The following TRAF2 variants were observed in gnomAD, a reference collection of about 807,000 sequenced individuals.
The protein encoded by TRAF2 is TNF receptor-associated factor 2.
In TRAF2, 6 loss-of-function variants were observed where a neutral mutation model predicts 55.6. The observed-to-expected ratio is 0.11, with a 90% CI of 0.06 to 0.21. The LOEUF (loss-of-function observed/expected upper bound fraction) is 0.21, where lower values mean the gene tolerates loss of function less well. Ranked by LOEUF, TRAF2 falls within the 10% of genes least tolerant of loss-of-function variation. TRAF2 has a pLI of 1.00. For synonymous variants in TRAF2, 329 were observed against 276.3 expected (o/e 1.19, Z -1.89); for missense variants, 561 against 684.5 (o/e 0.82, Z 2.01).
chr9:136,913,483 G>A (rs537234625), intron 6 of TRAF2, among the ~76,000 whole-genome samples: 1 of 151,536 alleles, frequency 6.6e-6, no homozygotes, highest in East Asian at 2.0e-4. Flanking sequence ...ATTTTTAGTA[G>A]AGACGGGGTT....
At chr9:136,919,110 A>G (rs1012099122) in intron 7 of TRAF2, among the ~76,000 whole-genome samples, 2 of 135,664 alleles carry the variant, frequency 1.5e-5, no homozygotes, top group African/African-American at 2.8e-5. Flanking sequence ...GCCAGGCTGG[A>G]AGTGCAGTGG....
intron 7 of TRAF2, 175 bp downstream of exon 7, chr9:136,916,790 C>A (rs1446022148): frequency 1.6e-6 from 1 of 630,402 alleles, no homozygotes; most frequent in African/African-American, 1.9e-5. Flanking sequence ...GGCTGGCAGC[C>A]CTGTCCACTC....
At chr9:136,925,614 C>T in intron 10 of TRAF2, 69 bp from the exon 11 acceptor site, 6 of 1,532,086 alleles carry the variant, frequency 3.9e-6, no homozygotes, top group Non-Finnish European at 5.4e-6. Flanking sequence ...TGCCAGTGTC[C>T]AGACCCTCGG....
upstream of TRAF2, among the ~76,000 whole-genome samples, chr9:136,884,706 A>T (rs371558922): frequency 6.6e-6 from 1 of 152,216 alleles, no homozygotes; most frequent in Non-Finnish European, 1.5e-5. Context: ...ACAGGTGTGC[A>T]GCACCACACC....
chr9:136,909,314 C>T (rs1348938127), intron 5 of TRAF2, among the ~76,000 whole-genome samples: 2 of 150,680 alleles, frequency 1.3e-5, no homozygotes, highest in African/African-American at 2.5e-5. Flanking sequence ...CTGTCTTTGC[C>T]TTGGTGTATC....
intron 7 of TRAF2, 136 bp downstream of exon 7, chr9:136,916,751 C>G: frequency 1.2e-6 from 1 of 833,972 alleles, no homozygotes; most frequent in South Asian, 1.4e-5. Flanking sequence ...CCTGCCCCGG[C>G]TGTCCGAGTG....
intron 1 of TRAF2, among the ~76,000 whole-genome samples, chr9:136,893,222 G>T (rs576856020): frequency 6.6e-6 from 1 of 152,308 alleles, no homozygotes; most frequent in Admixed American, 6.5e-5. Flanking sequence ...GAGGGACCTT[G>T]AGCACTGGGC....
At chr9:136,896,077 C>T (rs1849673758) in intron 1 of TRAF2, among the ~76,000 whole-genome samples, 1 of 152,098 alleles carries the variant, frequency 6.6e-6, no homozygotes, top group Non-Finnish European at 1.5e-5. Context: ...CTGCAGTCCA[C>T]CTTCTAGGAG....
At chr9:136,893,070 C>T (rs1276901593) in intron 1 of TRAF2, among the ~76,000 whole-genome samples, 1 of 152,152 alleles carries the variant, frequency 6.6e-6, no homozygotes, top group Non-Finnish European at 1.5e-5. Context: ...AGGGTGCAGT[C>T]CTGGTGAGCA....
rs17250525 is a variant in TRAF2 at position 136,917,667 on chromosome 9, TAG to T, written c.678+1055_678+1056del. Among the ~76,000 whole-genome samples, 367 of 152,362 alleles carry T rather than the reference TAG, an allele frequency of 2.4e-3. 2 individuals are homozygous for T. The highest frequency in any genetic ancestry group is 8.3e-3 in the African/African-American group (347 of 41,596). ...AGGGATGTCTTGACGGCATTTGTGG[TAG>T]AGTCAGTTGCTGACTTGATTCTATG... On this transcript the variant is annotated intron_variant, in intron 7 of 10. Coordinates refer to ENST00000247668, the MANE Select transcript of TRAF2 (RefSeq NM_021138.4).
chr9:136,893,180 A>G (rs1048786837), intron 1 of TRAF2, among the ~76,000 whole-genome samples: 6 of 152,100 alleles, frequency 3.9e-5, no homozygotes, highest in Non-Finnish European at 1.5e-5. Context: ...CACCTTCGAG[A>G]AAGTGGGAGA....
At chr9:136,899,295 G>A (rs548886105) in intron 2 of TRAF2, among the ~76,000 whole-genome samples, 218 of 152,298 alleles carry the variant, frequency 1.4e-3, no homozygotes, top group African/African-American at 5.1e-3. Context: ...GAGAGGTGTG[G>A]CCTGTGCACA....
At chr9:136,893,727 C>T (rs1032317443) in intron 1 of TRAF2, among the ~76,000 whole-genome samples, 1 of 152,144 alleles carries the variant, frequency 6.6e-6, no homozygotes, top group Non-Finnish European at 1.5e-5. Context: ...TATTTGGGGT[C>T]TGTGTGGTAG....
At position 136,923,848 on chromosome 9, in the gene TRAF2, C is replaced by T. The variant is rs1171637689; in HGVS notation, c.1139-4C>T. 3 of 1,612,926 alleles carry T rather than the reference C, an allele frequency of 1.9e-6. No homozygotes were observed. In the South Asian group the frequency reaches 3.3e-5, roughly 18 times the overall value. Reference sequence around the variant, plus strand: ...CTCACCAGGCACCCCTCCTGCCTCCCCAGCCTTCTACACCAGCAGGTACGG... The same window carrying T: ...CTCACCAGGCACCCCTCCTGCCTCCTCAGCCTTCTACACCAGCAGGTACGG... On this transcript the variant is annotated splice_region_variant and splice_polypyrimidine_tract_variant and intron_variant, in intron 9 of 10. Transcript: ENST00000247668.
intron 2 of TRAF2, 54 bp downstream of exon 2, chr9:136,898,982 G>A: frequency 3.3e-6 from 5 of 1,526,280 alleles, no homozygotes; most frequent in Non-Finnish European, 4.4e-6. Context: ...GCTGGTTTTA[G>A]AGCCACGCTG....
In TRAF2 at chr9:136,900,478, C is replaced by T. The variant is rs371188050; in HGVS notation, c.324C>T (p.Pro108=). 6.5e-5 allele frequency: 105 copies of T among 1,613,694 alleles called. No homozygotes were observed. Among genetic ancestry groups the T allele is most frequent in the Admixed American group, 1.0e-4 (6 of 59,982 alleles). ...REVESLPAVC[P]SDGCTWKGTL... is the part of the protein sequence containing the mutation. ...TGGAGAGCCTGCCGGCCGTCTGTCC[C>T]AGTGATGGATGCACCTGGAAGGGGA... The change falls in exon 4 of 11, where the codon CCC becomes CCT. Residue 108 remains proline, a synonymous_variant. Transcript: ENST00000247668.
intron 4 of TRAF2, among the ~76,000 whole-genome samples, chr9:136,906,887 C>T (rs1042997086): frequency 1.3e-5 from 2 of 152,340 alleles, no homozygotes. Flanking sequence ...CCACCCCGTT[C>T]TTCCTCCTGT....
intron 4 of TRAF2, among the ~76,000 whole-genome samples, chr9:136,906,238 C>T (rs1195499185): frequency 3.3e-5 from 5 of 152,094 alleles, no homozygotes; most frequent in East Asian, 1.9e-4. Flanking sequence ...GTATTCTTAC[C>T]CCTGCACTCC....
chr9:136,893,688 TAA>T (rs1849625056), intron 1 of TRAF2, among the ~76,000 whole-genome samples: 1 of 152,202 alleles, frequency 6.6e-6, no homozygotes, highest in Admixed American at 6.5e-5. Flanking sequence ...TCTTGGGGCC[TAA>T]GTTTTTCTGA....
Sources: allele counts gnomAD v4.1 joint callset (sites outside exome capture counted in the v4.1 genomes callset), GRCh38; gene constraint gnomAD v4.1.1; transcripts MANE v1.5; gene names NCBI Gene and HGNC (gene_info 2026-07-23, HGNC 2026-07-21).